The following ECPAS variants were observed in gnomAD, a reference collection of about 807,000 sequenced individuals.
The protein encoded by ECPAS is proteasome adapter and scaffold protein ECM29.
In ECPAS, 70 loss-of-function variants were observed where a neutral mutation model predicts 255.1. The ratio of observed to expected loss-of-function variants is 0.27; its 90% confidence interval spans 0.23 to 0.33. The LOEUF (loss-of-function observed/expected upper bound fraction) is 0.33. Ranked by LOEUF, ECPAS falls within the 10% of genes least tolerant of loss-of-function variation. ECPAS has a pLI of 1.00. For synonymous variants in ECPAS, 784 were observed against 775.0 expected, an observed-to-expected ratio of 1.01 and a Z score of -0.19; for missense variants, 1,817 against 2,206.4, an observed-to-expected ratio of 0.82 and a Z score of 3.54.
rs372024230 is a variant in ECPAS at position 111,433,970 on chromosome 9, C to CA, written c.709-599dup. Reference sequence around the variant, plus strand: ...ATTTAATTGACTGGCTGAAATGAAACAGACTAGAGAGATTCTGCTTAGAAC... The same window carrying CA: ...ATTTAATTGACTGGCTGAAATGAAACAAGACTAGAGAGATTCTGCTTAGAAC... On this transcript the variant is annotated intron_variant, in intron 7 of 49. Transcript: ENST00000684092. Among the ~76,000 whole-genome samples the CA allele has an allele frequency of 1.5e-3, 230 of 152,258 alleles. 1 individual carries two copies. The highest frequency in any genetic ancestry group is 5.4e-3 in the African/African-American group (225 of 41,544).
intron 10 of ECPAS, among the ~76,000 whole-genome samples, chr9:111,427,035 CT>C (rs199815478): frequency 2.7e-5 from 4 of 150,796 alleles, no homozygotes; most frequent in South Asian, 2.1e-4. Flanking sequence ...TTGAAACAGA[CT>C]TTTTTTTTAG....
In ECPAS at chr9:111,454,153, C is replaced by T. The variant is rs1218628381; in HGVS notation, c.23-2598G>A. Among the ~76,000 whole-genome samples the T allele has an allele frequency of 3.3e-5, 5 of 152,118 alleles. No homozygotes were observed. The East Asian group carries it at 7.7e-4, about 23-fold the overall frequency. ...GAAGTTACAGGTAAAGGAGCAGCTC[C>T]TTAGGGCCTTACAGCTTTTAGGCCA... On this transcript the variant is annotated intron_variant, in intron 2 of 49. Coordinates refer to ENST00000684092, the MANE Select transcript of ECPAS (RefSeq NM_001364929.1).
At chr9:111,369,745 G>T (rs563480672) in intron 45 of ECPAS, among the ~76,000 whole-genome samples, 8,693 of 150,750 alleles carry the variant, frequency 0.058, 336 homozygotes, top group South Asian at 0.11. Flanking sequence ...TTTTTTTTGG[G>T]GGGGGGACCA....
intron 29 of ECPAS, among the ~76,000 whole-genome samples, chr9:111,391,311 C>A (rs905241233): frequency 1.3e-5 from 2 of 152,190 alleles, no homozygotes; most frequent in African/African-American, 4.8e-5. Context: ...GGCACAGTGG[C>A]TCACGCCTGT....
intron 16 of ECPAS, 94 bp from the exon 17 acceptor site, chr9:111,418,100 A>G (rs2098207218): frequency 8.7e-7 from 1 of 1,146,618 alleles, no homozygotes; most frequent in Non-Finnish European, 1.2e-6. Flanking sequence ...TTTGGCAGCT[A>G]GAGTTCTCAG....
intron 26 of ECPAS, 136 bp downstream of exon 26, chr9:111,394,024 C>T: frequency 1.1e-6 from 1 of 906,098 alleles, no homozygotes; most frequent in Middle Eastern, 3.0e-4. Context: ...CATCAGGCCA[C>T]CATCCTTCAT....
At chr9:111,390,764 T>G (rs920556152) in intron 29 of ECPAS, among the ~76,000 whole-genome samples, 1 of 152,180 alleles carries the variant, frequency 6.6e-6, no homozygotes, top group Admixed American at 6.5e-5. Flanking sequence ...CAGCAAAGAT[T>G]TGCCTAACGA....
At position 111,394,152 on chromosome 9, in the gene ECPAS, T is replaced by A. The variant is rs377667583; in HGVS notation, c.2922+8A>T. On this transcript the variant is annotated splice_region_variant and intron_variant, in intron 26 of 49. Coordinates refer to ENST00000684092, the MANE Select transcript of ECPAS (RefSeq NM_001364929.1). ...CCAACAGGGCTGACCACATACAGCA[T>A]GGCTCACCTTCACTTCTTTGTGGGT... 6.3e-6 allele frequency: 10 copies of A among 1,598,140 alleles called. No homozygotes were observed. In the African/African-American group the frequency reaches 1.3e-4, roughly 22 times the overall value.
At chr9:111,480,297 T>C (rs568577423) in intron 1 of ECPAS, among the ~76,000 whole-genome samples, 7 of 141,116 alleles carry the variant, frequency 5.0e-5, no homozygotes, top group Non-Finnish European at 7.7e-5. Flanking sequence ...CTTTTCTTTT[T>C]TTTTTTTTTT....
In ECPAS at chr9:111,389,967, C is replaced by T; in HGVS notation, c.3279+17G>A. On this transcript the variant is annotated intron_variant, in intron 30 of 49. Transcript: ENST00000684092. The stretch of plus-strand genomic sequence containing the variant: ...TGCATGAAAAAAATAAATAATTGTC[C>T]AGTGATAGCAACTTACCTTCCTAGA... 2 of 1,487,912 alleles carry T rather than the reference C, an allele frequency of 1.3e-6. No homozygotes were observed. The highest frequency in any genetic ancestry group is 1.9e-6 in the Non-Finnish European group (2 of 1,075,458). 92.2% of individuals were successfully genotyped at this position (1,487,912 alleles called of 1,614,324 possible). A position where few individuals can be genotyped will look rare whatever the true frequency, so the allele number is the denominator to read the frequency against.
At chr9:111,373,013 C>G (rs1006752490) in intron 41 of ECPAS, among the ~76,000 whole-genome samples, 157 bp downstream of exon 41, 2 of 151,754 alleles carry the variant, frequency 1.3e-5, no homozygotes, top group Non-Finnish European at 2.9e-5. Context: ...ACCTCAGCGA[C>G]AAAGCCAGAC....
At chr9:111,459,208 T>C (rs970929599) in intron 2 of ECPAS, among the ~76,000 whole-genome samples, 3 of 152,146 alleles carry the variant, frequency 2.0e-5, no homozygotes, top group Non-Finnish European at 4.4e-5. Flanking sequence ...TTTTACCTTT[T>C]TCTTTTTTTT....
At chr9:111,479,785 C>T (rs1015163269) in intron 1 of ECPAS, among the ~76,000 whole-genome samples, 4 of 152,008 alleles carry the variant, frequency 2.6e-5, no homozygotes, top group Admixed American at 6.6e-5. Context: ...TCAAGACCAA[C>T]CTGGCCAAGA....
intron 2 of ECPAS, among the ~76,000 whole-genome samples, chr9:111,469,823 C>A (rs2098284659): frequency 6.6e-6 from 1 of 151,590 alleles, no homozygotes; most frequent in Admixed American, 6.6e-5. Context: ...AAAAAAAAGA[C>A]GCCATCTCAA....
Position 111,373,982 on chromosome 9 carries a change from T to G in ECPAS, c.4167A>C (p.Thr1389=). The change falls in exon 39 of 50, where the codon ACA becomes ACC. Residue 1389 remains threonine, a synonymous_variant. Transcript: ENST00000684092. ...CCTTGACAAACTCACCTGAGTAAGG[T>G]GTTAGGTCCTGAGGACACTGAGTAG... The part of the protein sequence containing the change: ...SLTTQCPQDL[T]PYSGKLMSAL... 3 of 1,612,138 alleles carry G rather than the reference T, an allele frequency of 1.9e-6. No homozygotes were observed. The highest frequency in any genetic ancestry group is 2.5e-6 in the Non-Finnish European group (3 of 1,178,310).
At chr9:111,482,087 G>T (rs1420155207) in intron 1 of ECPAS, among the ~76,000 whole-genome samples, 3 of 152,184 alleles carry the variant, frequency 2.0e-5, no homozygotes, top group Non-Finnish European at 4.4e-5. Flanking sequence ...AAAATGGCTA[G>T]GACGGGAAAT....
At chr9:111,483,452 C>T (rs1306625108) in intron 1 of ECPAS, 4 of 954,362 alleles carry the variant, frequency 4.2e-6, no homozygotes, top group Non-Finnish European at 5.0e-6. Context: ...GCCCCCGGCA[C>T]CGCGCGGCGC....
chr9:111,376,490 C>T lies in ECPAS; in HGVS notation c.4006G>A (p.Glu1336Lys), dbSNP rs2098133479. ...LSAAKSSPMM[E>K]TINMCLQYLD... ...AAGACACTCACCATGTTGATTGTTTCCATCATTGGAGAAGATTTGGCAGCA... is the reference window on the plus strand; with the variant it reads ...AAGACACTCACCATGTTGATTGTTTTCATCATTGGAGAAGATTTGGCAGCA... The change falls in exon 37 of 50, where the codon GAA becomes AAA. Residue 1336 changes from glutamate to lysine, a missense_variant. Physicochemically the swap from Glu to Lys is moderately conservative, Grantham distance 56 (BLOSUM62 1). This residue lies in a region of ECPAS where 960 missense variants were observed against 1,179.0 expected (regional missense o/e 0.81). Coordinates refer to ENST00000684092, the MANE Select transcript of ECPAS (RefSeq NM_001364929.1). 6.3e-7 allele frequency: 1 copy of T among 1,597,024 alleles called. No individual in the cohort carries two copies. Among genetic ancestry groups the T allele is most frequent in the East Asian group, 2.3e-5 (1 of 44,272 alleles).
intron 20 of ECPAS, 34 bp from the exon 21 acceptor site, chr9:111,412,182 T>C: frequency 1.3e-6 from 2 of 1,516,318 alleles, no homozygotes; most frequent in Middle Eastern, 1.7e-4. Flanking sequence ...AATATATACA[T>C]GACACAGAAC....
Sources: allele counts gnomAD v4.1 joint callset (sites outside exome capture counted in the v4.1 genomes callset), GRCh38; gene constraint gnomAD v4.1.1; regional missense constraint gnomAD v4.1.1; transcripts MANE v1.5; gene names NCBI Gene and HGNC (gene_info 2026-07-23, HGNC 2026-07-21).